Variants in BRD4 observed in about 807,000 individuals in gnomAD.
The protein encoded by BRD4 is bromodomain-containing protein 4.
A neutral mutation model predicts 142.1 loss-of-function variants in BRD4; 16 were observed. The ratio of observed to expected loss-of-function variants is 0.11; its 90% CI spans 0.08 to 0.17. The LOEUF is 0.17. Among genes scored for constraint, BRD4 ranks in the 10% least tolerant of loss-of-function variants. The probability of loss-of-function intolerance (pLI) is 1.00; values close to 1 mark genes in which losing one functional copy is unlikely to be tolerated. For missense variants in BRD4, 1,424 were observed against 1,810.9 expected (o/e 0.79, Z 3.88); for synonymous variants, 833 against 707.5 (o/e 1.18, Z -2.82).
intron 1 of BRD4, among the ~76,000 whole-genome samples, chr19:15,305,531 C>T (rs926630020): frequency 5.9e-5 from 9 of 152,206 alleles, no homozygotes; most frequent in African/African-American, 2.2e-4. Context: ...TAGGTCTCAA[C>T]AGCGGGCTTA....
At chr19:15,247,866 A>G (rs1011356433) in intron 11 of BRD4, 3 of 230,104 alleles carry the variant, frequency 1.3e-5, no homozygotes, top group African/African-American at 4.4e-5. Flanking sequence ...CCTGAGCATC[A>G]ATGCAGGGCC....
chr19:15,287,777 C>CTTT (rs57365607), intron 1 of BRD4, among the ~76,000 whole-genome samples: 61 of 145,880 alleles, frequency 4.2e-4, no homozygotes, highest in South Asian at 1.9e-3. Context: ...CTCTGAATTT[C>CTTT]TTTTTTTTTT....
chr19:15,256,011 A>G (rs937895081), intron 9 of BRD4, 53 bp downstream of exon 9: 2 of 1,602,106 alleles, frequency 1.2e-6, no homozygotes, highest in African/African-American at 1.4e-5. Context: ...ACAGTCTCAG[A>G]GCAAGCCCTG....
intron 1 of BRD4, among the ~76,000 whole-genome samples, chr19:15,316,572 C>G (rs1345316566): frequency 1.3e-5 from 2 of 151,548 alleles, no homozygotes; most frequent in African/African-American, 4.9e-5. Flanking sequence ...GCCTGGGCAA[C>G]AAGAGCCAAA....
chr19:15,331,273 G>A (rs966957243), intron 1 of BRD4, among the ~76,000 whole-genome samples: 1 of 152,216 alleles, frequency 6.6e-6, no homozygotes, highest in Non-Finnish European at 1.5e-5. Context: ...ACAACAGAGT[G>A]GGGTTTCCCA....
chr19:15,300,410 C>G (rs896777855), intron 1 of BRD4, among the ~76,000 whole-genome samples: 1 of 151,638 alleles, frequency 6.6e-6, no homozygotes, highest in Non-Finnish European at 1.5e-5. Flanking sequence ...ATACAAAAAG[C>G]CAGGTGTGGC....
intron 1 of BRD4, among the ~76,000 whole-genome samples, chr19:15,313,178 T>C (rs527651868): frequency 6.7e-6 from 1 of 149,930 alleles, no homozygotes; most frequent in Admixed American, 6.7e-5. Flanking sequence ...GAGACCATCC[T>C]GGCTAACACG....
chr19:15,255,469 G>C lies in BRD4; in HGVS notation c.1875C>G (p.Leu625=). 1 of 1,614,168 alleles carries C rather than the reference G, an allele frequency of 6.2e-7. No individual in the cohort carries two copies. The highest frequency in any genetic ancestry group is 8.5e-7 in the Non-Finnish European group (1 of 1,180,040). The part of the protein sequence containing the change: ...KRQLSLDINK[L]PGEKLGRVVH... Reference sequence around the variant, plus strand: ...CCACGCGGCCCAGCTTCTCGCCGGGGAGCTTGTTGATGTCCAAGCTGAGCT... The same window carrying C: ...CCACGCGGCCCAGCTTCTCGCCGGGCAGCTTGTTGATGTCCAAGCTGAGCT... The change falls in exon 10 of 20, where the codon CTC becomes CTG. Residue 625 remains leucine (L), a synonymous_variant. Coordinates refer to ENST00000679869, the MANE Select transcript of BRD4 (RefSeq NM_001379291.1).
intron 14 of BRD4, 64 bp downstream of exon 14, chr19:15,242,836 C>G (rs748618263): frequency 5.5e-5 from 85 of 1,553,576 alleles, no homozygotes; most frequent in Non-Finnish European, 7.1e-5. Context: ...CTTCTGGCTT[C>G]CTGAGGACAA....
Position 15,315,024 on chromosome 19 carries a change from C to A in BRD4, c.-35+17266G>T, listed in dbSNP as rs186175900. Reference sequence around the variant, plus strand: ...TGTAGGTCTTATCCTATATGCAGTGCGGTTTCAGGGTAGCATAATCATGCT... The same window carrying A: ...TGTAGGTCTTATCCTATATGCAGTGAGGTTTCAGGGTAGCATAATCATGCT... On this transcript the variant is annotated intron_variant, in intron 1 of 19. Transcript: ENST00000679869. Among the ~76,000 whole-genome samples the A allele has an allele frequency of 2.7e-3, 408 of 151,978 alleles. 7 individuals are homozygous for A. The highest frequency in any genetic ancestry group is 6.5e-4 in the Non-Finnish European group (44 of 67,940).
chr19:15,252,792 T>G (rs1275310989), intron 11 of BRD4, among the ~76,000 whole-genome samples: 1 of 152,128 alleles, frequency 6.6e-6, no homozygotes, highest in Non-Finnish European at 1.5e-5. Context: ...TTCAGCCCAC[T>G]TCAAGGCAAG....
chr19:15,307,645 G>C (rs941441499), intron 1 of BRD4, among the ~76,000 whole-genome samples: 3 of 152,170 alleles, frequency 2.0e-5, no homozygotes, highest in Non-Finnish European at 4.4e-5. Context: ...CCTGGGCGCG[G>C]AAGTGAGCAC....
At position 15,255,397 on chromosome 19, in the gene BRD4, G is replaced by T; in HGVS notation, c.1947C>A (p.Pro649=). Reference sequence around the variant, plus strand: ...TCTCAAAGTCGATTTCAATCTCGTCGGGGTTGGAATTCTTCAGGGAGGGCT... The same window carrying T: ...TCTCAAAGTCGATTTCAATCTCGTCTGGGTTGGAATTCTTCAGGGAGGGCT... The part of the protein sequence containing the change: ...SREPSLKNSN[P]DEIEIDFETL... Residue 649 remains proline, a synonymous_variant, in exon 10 of 20, where the codon CCC becomes CCA. Coordinates refer to ENST00000679869, the MANE Select transcript of BRD4 (RefSeq NM_001379291.1). 1 of 1,614,080 alleles carries T rather than the reference G, an allele frequency of 6.2e-7. No individual in the cohort carries two copies. Among genetic ancestry groups the T allele is most frequent in the Non-Finnish European group, 8.5e-7 (1 of 1,180,014 alleles).
chr19:15,256,289 C>T (rs1204248159), intron 8 of BRD4, 26 bp from the exon 9 acceptor site: 1 of 1,598,610 alleles, frequency 6.3e-7, no homozygotes, highest in Admixed American at 1.8e-5. Context: ...GCAAGACACA[C>T]ACTCAGGGCT....
At chr19:15,302,088 A>G (rs1265908560) in intron 1 of BRD4, among the ~76,000 whole-genome samples, 3 of 151,284 alleles carry the variant, frequency 2.0e-5, no homozygotes, top group Middle Eastern at 3.4e-3. Flanking sequence ...AATTGCTTGA[A>G]CCCAGCAGGC....
At chr19:15,311,434 C>G (rs112587122) in intron 1 of BRD4, among the ~76,000 whole-genome samples, 6 of 152,236 alleles carry the variant, frequency 3.9e-5, no homozygotes, top group South Asian at 2.1e-4. Flanking sequence ...TGCTACAACA[C>G]GGATGGACCT....
intron 8 of BRD4, 105 bp downstream of exon 8, chr19:15,256,859 C>T (rs902196028): frequency 1.5e-5 from 16 of 1,038,188 alleles, no homozygotes; most frequent in African/African-American, 3.2e-5. Flanking sequence ...GGGAATTATG[C>T]TCCCTTGGGA....
At chr19:15,272,745 G>A (rs2145623867) in intron 2 of BRD4, 70 bp downstream of exon 2, 1 of 1,468,392 alleles carries the variant, frequency 6.8e-7, no homozygotes, top group East Asian at 2.4e-5. Context: ...CCCAGGAACT[G>A]CCCTGACCAG....
intron 1 of BRD4, among the ~76,000 whole-genome samples, chr19:15,279,642 A>G (rs894196652): frequency 1.3e-5 from 2 of 152,338 alleles, no homozygotes; most frequent in East Asian, 3.9e-4. Context: ...CATGCAGGGC[A>G]GGCTTAGTTC....
Sources: gnomAD v4.1 joint callset for allele counts (sites outside exome capture counted in the v4.1 genomes callset) on GRCh38, gnomAD v4.1.1 for gene constraint, MANE v1.5 for transcripts, NCBI Gene and HGNC (gene_info 2026-07-23, HGNC 2026-07-21) for gene names.